The following TBC1D22A variants were observed in gnomAD, a reference collection of about 807,000 sequenced individuals.
The protein encoded by TBC1D22A is putative GTPase activator.
Under a neutral mutation model 60.2 loss-of-function variants are expected in TBC1D22A, and 38 were observed. The observed-to-expected ratio is 0.63, with a 90% CI of 0.49 to 0.83. TBC1D22A has a LOEUF of 0.83. Ranked by LOEUF, TBC1D22A falls within the 40% of genes least tolerant of loss-of-function variation. The pLI is 0.00. For missense variants in TBC1D22A, 628 were observed against 701.0 expected (o/e 0.90, Z 1.18); for synonymous variants, 302 against 281.7 (o/e 1.07, Z -0.72).
At chr22:46,832,436 G>A (rs945772535) in intron 4 of TBC1D22A, among the ~76,000 whole-genome samples, 1 of 152,184 alleles carries the variant, frequency 6.6e-6, no homozygotes, top group Non-Finnish European at 1.5e-5. Flanking sequence ...GGATCACGAG[G>A]TCAGGAGTTC....
In TBC1D22A at chr22:46,928,529, GAC is replaced by G. The variant is rs1413359648; in HGVS notation, c.1015+16344_1015+16345del. ...GGTTAGGCCATGGTTTCTGAGATAT[GAC>G]ACCAAAAGCAAAAGGGACAAAGGAT... On this transcript the variant is annotated intron_variant, in intron 8 of 12. Coordinates refer to ENST00000337137, the MANE Select transcript of TBC1D22A (RefSeq NM_014346.5). Among the ~76,000 whole-genome samples the G allele has an allele frequency of 6.6e-5, 10 of 152,296 alleles. No individual in the cohort carries two copies. In the East Asian group the frequency reaches 1.9e-3, roughly 29 times the overall value.
intron 12 of TBC1D22A, among the ~76,000 whole-genome samples, chr22:47,121,776 G>A (rs1192756026): frequency 6.6e-6 from 1 of 151,958 alleles, no homozygotes; most frequent in Non-Finnish European, 1.5e-5. Flanking sequence ...TTTCTCACTA[G>A]GGTTAATTCC....
intron 5 of TBC1D22A, among the ~76,000 whole-genome samples, chr22:46,889,177 C>T (rs1438976635): frequency 6.6e-6 from 1 of 152,068 alleles, no homozygotes; most frequent in East Asian, 1.9e-4. Context: ...AGAGTGTGTA[C>T]AGAGCTCGTC....
chr22:47,171,873 C>T (rs935707271), intron 12 of TBC1D22A, among the ~76,000 whole-genome samples: 8 of 151,438 alleles, frequency 5.3e-5, no homozygotes, highest in Non-Finnish European at 7.4e-5. Context: ...GAGACAGTCG[C>T]CCATGTGTCT....
Position 47,080,649 on chromosome 22 carries a change from AAAG to A in TBC1D22A, c.1330-30852_1330-30850del, listed in dbSNP as rs1182697948. ...AATATATATATATATATATGAATGA[AAAG>A]AAGAAGGACTTAAAATCAGGAATTT... On this transcript the variant is annotated intron_variant, in intron 11 of 12. Coordinates refer to ENST00000337137, the MANE Select transcript of TBC1D22A (RefSeq NM_014346.5). 3.9e-5 allele frequency among the ~76,000 whole-genome samples: 6 copies of A among 152,046 alleles called. No homozygotes were observed. In the East Asian group the frequency reaches 7.7e-4, roughly 20 times the overall value.
intron 11 of TBC1D22A, among the ~76,000 whole-genome samples, chr22:47,083,514 A>G (rs1303597899): frequency 2.6e-5 from 4 of 152,150 alleles, no homozygotes; most frequent in African/African-American, 9.7e-5. Context: ...CTCCCCAGGT[A>G]GTGAGGCTGA....
chr22:47,012,474 C>G (rs16996160), intron 10 of TBC1D22A, among the ~76,000 whole-genome samples: 1 of 152,256 alleles, frequency 6.6e-6, no homozygotes, highest in East Asian at 1.9e-4. Flanking sequence ...CCTGGGCCCT[C>G]GGAATCATGC....
chr22:46,904,540 C>T (rs2069307638), intron 7 of TBC1D22A, among the ~76,000 whole-genome samples: 1 of 151,048 alleles, frequency 6.6e-6, no homozygotes, highest in African/African-American at 2.5e-5. Flanking sequence ...GTGATCTTGG[C>T]TCTCAGCAAC....
chr22:46,829,523 A>T (rs1357338970), intron 4 of TBC1D22A, among the ~76,000 whole-genome samples: 1 of 152,178 alleles, frequency 6.6e-6, no homozygotes, highest in African/African-American at 2.4e-5. Flanking sequence ...GCACGGAGAG[A>T]ATACATCTGC....
At chr22:46,927,123 G>A (rs1297951113) in intron 8 of TBC1D22A, among the ~76,000 whole-genome samples, 1 of 152,166 alleles carries the variant, frequency 6.6e-6, no homozygotes, top group African/African-American at 2.4e-5. Flanking sequence ...ATTACTCTGA[G>A]ACCAAAGTGA....
intron 12 of TBC1D22A, among the ~76,000 whole-genome samples, chr22:47,168,960 G>A (rs932469622): frequency 6.6e-6 from 1 of 151,744 alleles, no homozygotes; most frequent in Non-Finnish European, 1.5e-5. Context: ...TGGGAGCCTC[G>A]TCTGCTCTTC....
chr22:46,941,800 AAT>A (rs1461629218), intron 8 of TBC1D22A, among the ~76,000 whole-genome samples: 9 of 141,184 alleles, frequency 6.4e-5, no homozygotes, highest in Non-Finnish European at 1.2e-4. Flanking sequence ...GAATATATAG[AAT>A]ATATATAGAA....
chr22:47,091,440 C>T (rs1161865570), intron 11 of TBC1D22A, among the ~76,000 whole-genome samples: 2 of 143,780 alleles, frequency 1.4e-5, no homozygotes, highest in African/African-American at 5.2e-5. Flanking sequence ...GGGGTGGCTG[C>T]GTGTTGATAG....
intron 4 of TBC1D22A, among the ~76,000 whole-genome samples, chr22:46,871,256 A>G (rs951919798): frequency 2.6e-5 from 4 of 152,260 alleles, no homozygotes; most frequent in African/African-American, 4.8e-5. Context: ...AAACAAGTTT[A>G]CAATCCTAGG....
intron 11 of TBC1D22A, among the ~76,000 whole-genome samples, chr22:47,098,125 A>G (rs144157266): frequency 1.1e-3 from 173 of 152,278 alleles, no homozygotes; most frequent in South Asian, 6.6e-3. Context: ...ATCCAATTGC[A>G]ATAGGATCAG....
intron 8 of TBC1D22A, among the ~76,000 whole-genome samples, chr22:46,957,831 G>A (rs1376051071): frequency 6.6e-6 from 1 of 152,216 alleles, no homozygotes; most frequent in African/African-American, 2.4e-5. Context: ...TTGCCTCCTC[G>A]AGGGGAGGGA....
chr22:46,963,304 C>T (rs995418236), intron 8 of TBC1D22A, among the ~76,000 whole-genome samples: 4 of 151,570 alleles, frequency 2.6e-5, no homozygotes, highest in Non-Finnish European at 4.4e-5. Context: ...GCCTGGGCCA[C>T]GCAGTGCTCA....
At chr22:46,934,520 G>C (rs1260270873) in intron 8 of TBC1D22A, among the ~76,000 whole-genome samples, 1 of 152,202 alleles carries the variant, frequency 6.6e-6, no homozygotes, top group African/African-American at 2.4e-5. Flanking sequence ...GAGAGAGCAG[G>C]AGTCTCTCAC....
At position 47,063,119 on chromosome 22, in the gene TBC1D22A, A is replaced by G. The variant is rs574510521; in HGVS notation, c.1329+25921A>G. 3.3e-5 allele frequency among the ~76,000 whole-genome samples: 5 copies of G among 152,240 alleles called. No homozygotes were observed. In the South Asian group the frequency reaches 1.0e-3, roughly 32 times the overall value. ...GCAGGACTCGGTGGAGGATGGACAG[A>G]AGGAGGAGTCTAGGCCAAGGGCCTC... On this transcript the variant is annotated intron_variant, in intron 11 of 12. Transcript: ENST00000337137.
Sources: allele counts gnomAD v4.1 joint callset (sites outside exome capture counted in the v4.1 genomes callset), GRCh38; gene constraint gnomAD v4.1.1; transcripts MANE v1.5; gene names NCBI Gene and HGNC (gene_info 2026-07-23, HGNC 2026-07-21).